The following PARD3B variants were observed in gnomAD, a reference collection of about 807,000 sequenced individuals.
The protein encoded by PARD3B is partitioning defective 3 homolog B.
PARD3B carries 103 observed loss-of-function variants against 130.2 expected under a neutral mutation model. That is an observed-to-expected ratio of 0.79 (90% CI 0.67 to 0.93). PARD3B has a LOEUF of 0.93. PARD3B is among the 40% of genes least tolerant of loss of function. The pLI is 0.00. For missense variants in PARD3B, 1,609 were observed against 1,499.2 expected, an observed-to-expected ratio of 1.07 and a Z score of -1.21; for synonymous variants, 583 against 553.2, an observed-to-expected ratio of 1.05 and a Z score of -0.76.
In PARD3B at chr2:204,757,900, T is replaced by C. The variant is rs1457161224; in HGVS notation, c.222+71618T>C. On this transcript the variant is annotated intron_variant, in intron 2 of 22. Coordinates refer to ENST00000406610, the MANE Select transcript of PARD3B (RefSeq NM_001302769.2). Reference sequence around the variant, plus strand: ...GTTGGGCATATAAAACTTCAGGGAATAGTGGTGGGCCCAGATGTTGTTTAA... The same window carrying C: ...GTTGGGCATATAAAACTTCAGGGAACAGTGGTGGGCCCAGATGTTGTTTAA... 2.0e-5 allele frequency among the ~76,000 whole-genome samples: 3 copies of C among 152,246 alleles called. No individual in the cohort carries two copies. In the East Asian group the frequency reaches 5.8e-4, roughly 29 times the overall value.
intron 3 of PARD3B, among the ~76,000 whole-genome samples, chr2:205,044,488 G>C (rs1238722622): frequency 6.8e-6 from 1 of 147,670 alleles, no homozygotes; most frequent in African/African-American, 2.5e-5. Flanking sequence ...ACTTTTTAAT[G>C]ATTGCCATTC....
At chr2:205,141,747 C>T (rs1359777329) in intron 10 of PARD3B, among the ~76,000 whole-genome samples, 1 of 152,134 alleles carries the variant, frequency 6.6e-6, no homozygotes, top group Non-Finnish European at 1.5e-5. Context: ...ATCTAATGTT[C>T]CAAAATACCA....
chr2:205,267,580 A>G (rs1367226867), intron 16 of PARD3B, among the ~76,000 whole-genome samples: 1 of 152,146 alleles, frequency 6.6e-6, no homozygotes, highest in Non-Finnish European at 1.5e-5. Context: ...CAGCAGGGAG[A>G]GCAAAAGCAA....
intron 4 of PARD3B, among the ~76,000 whole-genome samples, chr2:205,080,672 C>T (rs1000277970): frequency 6.6e-6 from 1 of 152,078 alleles, no homozygotes; most frequent in Non-Finnish European, 1.5e-5. Context: ...GTTGCTAAGT[C>T]TGTACACTGT....
chr2:204,753,425 G>A (rs1194310005), intron 2 of PARD3B, among the ~76,000 whole-genome samples: 1 of 152,056 alleles, frequency 6.6e-6, no homozygotes, highest in Admixed American at 6.6e-5. Flanking sequence ...TAAAAATACT[G>A]CAGGTATTAT....
intron 2 of PARD3B, among the ~76,000 whole-genome samples, chr2:204,785,326 A>C (rs1279600091): frequency 1.3e-5 from 2 of 151,908 alleles, no homozygotes; most frequent in East Asian, 1.9e-4. Flanking sequence ...GCACCTCTCT[A>C]TCTCTCTAAC....
At chr2:204,842,444 C>A (rs2044290808) in intron 2 of PARD3B, among the ~76,000 whole-genome samples, 1 of 151,072 alleles carries the variant, frequency 6.6e-6, no homozygotes. Context: ...AAGTAAGCAC[C>A]TTAAAAAAAG....
intron 3 of PARD3B, among the ~76,000 whole-genome samples, chr2:204,974,266 C>A (rs1329968049): frequency 6.6e-6 from 1 of 151,918 alleles, no homozygotes; most frequent in Non-Finnish European, 1.5e-5. Context: ...TCTTTATTTT[C>A]TTTTTGTTTA....
At chr2:205,243,073 G>C (rs2039422957) in intron 15 of PARD3B, among the ~76,000 whole-genome samples, 1 of 152,090 alleles carries the variant, frequency 6.6e-6, no homozygotes, top group Non-Finnish European at 1.5e-5. Context: ...GGCTGAGGCA[G>C]AAGAATTGGT....
intron 1 of PARD3B, among the ~76,000 whole-genome samples, chr2:204,612,276 G>A (rs1328999524): frequency 6.6e-6 from 1 of 152,188 alleles, no homozygotes; most frequent in Non-Finnish European, 1.5e-5. Context: ...TGAGATGGCA[G>A]CCTGGTTCTT....
At chr2:205,313,132 G>T (rs2042448065) in intron 18 of PARD3B, among the ~76,000 whole-genome samples, 1 of 152,170 alleles carries the variant, frequency 6.6e-6, no homozygotes, top group South Asian at 2.1e-4. Context: ...ATAGATGCAA[G>T]TATGATAACT....
At chr2:204,761,318 C>G (rs2040888280) in intron 2 of PARD3B, among the ~76,000 whole-genome samples, 1 of 152,150 alleles carries the variant, frequency 6.6e-6, no homozygotes, top group African/African-American at 2.4e-5. Flanking sequence ...ATTTTATGAT[C>G]CTTGTTAGAA....
intron 2 of PARD3B, among the ~76,000 whole-genome samples, chr2:204,713,644 G>A (rs1452646392): frequency 6.6e-6 from 1 of 151,988 alleles, no homozygotes; most frequent in African/African-American, 2.4e-5. Context: ...CCTCATATAA[G>A]TGGAATTATA....
At chr2:205,108,517 C>T (rs1330037722) in intron 5 of PARD3B, among the ~76,000 whole-genome samples, 2 of 151,938 alleles carry the variant, frequency 1.3e-5, no homozygotes, top group African/African-American at 2.4e-5. Context: ...TCCCTCCCTC[C>T]CTCTCTCTAA....
At chr2:204,842,205 A>G (rs1330904296) in intron 2 of PARD3B, among the ~76,000 whole-genome samples, 1 of 152,120 alleles carries the variant, frequency 6.6e-6, no homozygotes, top group Admixed American at 6.6e-5. Context: ...TTTCAAAGCA[A>G]TAGTCTTTCA....
At chr2:205,222,696 A>G (rs549064843) in intron 15 of PARD3B, among the ~76,000 whole-genome samples, 5 of 152,324 alleles carry the variant, frequency 3.3e-5, no homozygotes, top group East Asian at 3.9e-4. Context: ...ATGAATATCA[A>G]TTTCTTGCTG....
chr2:204,816,204 ATTG>A (rs1410687873), intron 2 of PARD3B, among the ~76,000 whole-genome samples: 1 of 151,980 alleles, frequency 6.6e-6, no homozygotes, highest in East Asian at 1.9e-4. Flanking sequence ...TCATTGTGCT[ATTG>A]TTGTCGTACG....
At position 205,181,047 on chromosome 2, in the gene PARD3B, A is replaced by G. The variant is rs191736588; in HGVS notation, c.1924+4470A>G. Among the ~76,000 whole-genome samples the G allele has an allele frequency of 1.8e-3, 279 of 152,186 alleles. 1 individual carries two copies. Among genetic ancestry groups the G allele is most frequent in the African/African-American group, 6.2e-3 (257 of 41,526 alleles). ...ATTTCACTGCACTTGTCTCCCCTAT[A>G]TAGCTCTTTTCCTGCTTCTCCTTTT... On this transcript the variant is annotated intron_variant, in intron 13 of 22. Transcript: ENST00000406610.
intron 1 of PARD3B, among the ~76,000 whole-genome samples, chr2:204,654,492 G>C (rs1481811667): frequency 6.9e-6 from 1 of 145,158 alleles, no homozygotes; most frequent in Non-Finnish European, 1.5e-5. Flanking sequence ...ATGTGGTGAT[G>C]TTGGGTTTTT....
Sources: allele counts gnomAD v4.1 joint callset (sites outside exome capture counted in the v4.1 genomes callset), GRCh38; gene constraint gnomAD v4.1.1; transcripts MANE v1.5; gene names NCBI Gene and HGNC (gene_info 2026-07-23, HGNC 2026-07-21).